Variants in IMMP2L observed in about 807,000 individuals in gnomAD.
The protein encoded by IMMP2L is inner mitochondrial membrane peptidase subunit 2.
Under a neutral mutation model 19.3 loss-of-function variants are expected in IMMP2L, and 18 were observed. That is an observed-to-expected ratio of 0.93 (90% CI 0.64 to 1.38). IMMP2L has a LOEUF of 1.38. Ranked by LOEUF, IMMP2L falls within the 40% of genes most tolerant of loss-of-function variation. IMMP2L has a pLI of 0.00. For missense variants in IMMP2L, 233 were observed against 218.2 expected (o/e 1.07, Z -0.43); for synonymous variants, 76 against 73.0 (o/e 1.04, Z -0.21).
rs1404993405 is a variant in IMMP2L, at chr7:110,985,416, G to C, written c.240-21851C>G. ...GAATCTATATTACAACAAATCATGA[G>C]GATTATTGCTATGAAATTTAAGAAA... On this transcript the variant is annotated intron_variant, in intron 3 of 5. Transcript: ENST00000405709. Among the ~76,000 whole-genome samples, 4 of 152,042 alleles carry C rather than the reference G, an allele frequency of 2.6e-5. No homozygotes were observed. The East Asian group carries it at 7.7e-4, about 29-fold the overall frequency.
At chr7:111,529,962 C>T (rs779550139) in intron 1 of IMMP2L, among the ~76,000 whole-genome samples, 16 of 152,292 alleles carry the variant, frequency 1.1e-4, no homozygotes, top group Middle Eastern at 3.4e-3. Flanking sequence ...AGGACTCCTT[C>T]AACTTGCAAA....
intron 3 of IMMP2L, among the ~76,000 whole-genome samples, chr7:111,142,913 C>G (rs1043985148): frequency 6.6e-6 from 1 of 152,072 alleles, no homozygotes; most frequent in Non-Finnish European, 1.5e-5. Context: ...ATATCTTTTA[C>G]GTTACAGACA....
At chr7:110,843,907 C>T (rs115152218) in intron 5 of IMMP2L, among the ~76,000 whole-genome samples, 1,907 of 152,120 alleles carry the variant, frequency 0.013, 43 homozygotes, top group African/African-American at 0.044. Context: ...TAAGGCAGGG[C>T]ACATGAGTGA....
At chr7:110,755,996 A>G (rs1452989809) in intron 5 of IMMP2L, among the ~76,000 whole-genome samples, 1 of 152,080 alleles carries the variant, frequency 6.6e-6, no homozygotes, top group African/African-American at 2.4e-5. Flanking sequence ...ACTTTATGCA[A>G]AAAAGATGTG....
intron 5 of IMMP2L, among the ~76,000 whole-genome samples, chr7:110,837,719 A>G (rs1242993667): frequency 6.6e-6 from 1 of 152,150 alleles, no homozygotes; most frequent in Non-Finnish European, 1.5e-5. Context: ...TTTTTAGTTC[A>G]TGAAAATTTG....
At chr7:111,150,117 G>A (rs1056579226) in intron 3 of IMMP2L, among the ~76,000 whole-genome samples, 2 of 152,074 alleles carry the variant, frequency 1.3e-5, no homozygotes, top group Admixed American at 6.6e-5. Context: ...TCTCAACCAT[G>A]ACATGAAAAC....
intron 3 of IMMP2L, among the ~76,000 whole-genome samples, chr7:110,996,553 C>G (rs1041049525): frequency 6.6e-6 from 1 of 152,044 alleles, no homozygotes; most frequent in African/African-American, 2.4e-5. Flanking sequence ...GTAGACCCTG[C>G]CTTGTGATCA....
chr7:110,723,740 A>T (rs1795719035), intron 5 of IMMP2L, among the ~76,000 whole-genome samples: 1 of 152,152 alleles, frequency 6.6e-6, no homozygotes, highest in Non-Finnish European at 1.5e-5. Context: ...AGCCAAATGA[A>T]TTAGAAAACA....
chr7:111,305,963 A>G (rs1024465229), intron 3 of IMMP2L, among the ~76,000 whole-genome samples: 1 of 152,180 alleles, frequency 6.6e-6, no homozygotes, highest in Non-Finnish European at 1.5e-5. Context: ...GATACCTTCT[A>G]GAAACTATCA....
At chr7:110,766,717 T>A (rs967100743) in intron 5 of IMMP2L, among the ~76,000 whole-genome samples, 1 of 152,112 alleles carries the variant, frequency 6.6e-6, no homozygotes, top group African/African-American at 2.4e-5. Context: ...GTTTCCTTTA[T>A]GAAAACTGAG....
intron 3 of IMMP2L, among the ~76,000 whole-genome samples, chr7:111,215,507 A>G (rs535677122): frequency 9.2e-5 from 14 of 152,282 alleles, no homozygotes; most frequent in Admixed American, 5.9e-4. Context: ...TTTACTACAC[A>G]TAACAGGCAA....
intron 3 of IMMP2L, among the ~76,000 whole-genome samples, chr7:111,048,541 C>T (rs1031512106): frequency 6.6e-6 from 1 of 152,124 alleles, no homozygotes; most frequent in African/African-American, 2.4e-5. Context: ...TAGTACTTAA[C>T]ATACTAACAC....
intron 3 of IMMP2L, among the ~76,000 whole-genome samples, chr7:111,410,416 A>G (rs1834297994): frequency 6.6e-6 from 1 of 151,840 alleles, no homozygotes; most frequent in Non-Finnish European, 1.5e-5. Context: ...AAATGTAATT[A>G]GTACTACATT....
chr7:110,744,733 C>A (rs771470101), intron 5 of IMMP2L, among the ~76,000 whole-genome samples: 3 of 152,122 alleles, frequency 2.0e-5, no homozygotes, highest in South Asian at 2.1e-4. Flanking sequence ...CACTCAGAGA[C>A]CCCATCTGAA....
intron 3 of IMMP2L, among the ~76,000 whole-genome samples, chr7:111,016,810 TATATATTATATATAA>T (rs1825676929): frequency 2.0e-5 from 1 of 49,902 alleles, no homozygotes; most frequent in Non-Finnish European, 4.0e-5. Context: ...TAATATATAC[TATATATTATATATAA>T]TATATAGTAT....
chr7:110,804,185 A>G (rs1801454770), intron 5 of IMMP2L, among the ~76,000 whole-genome samples: 1 of 151,968 alleles, frequency 6.6e-6, no homozygotes, highest in South Asian at 2.1e-4. Flanking sequence ...GGTGGTAAAC[A>G]CTGTGTTTCT....
chr7:111,437,320 C>G (rs968414599), intron 3 of IMMP2L, among the ~76,000 whole-genome samples: 1 of 151,716 alleles, frequency 6.6e-6, no homozygotes, highest in Admixed American at 6.6e-5. Context: ...TGCCACATGC[C>G]TGTAATCCCA....
chr7:110,957,533 T>C (rs1818478738), intron 4 of IMMP2L, among the ~76,000 whole-genome samples: 2 of 151,912 alleles, frequency 1.3e-5, no homozygotes, highest in South Asian at 4.1e-4. Context: ...AATCAGATCA[T>C]ACTACTCCAT....
At chr7:110,691,430 C>T (rs1449204177) in intron 5 of IMMP2L, among the ~76,000 whole-genome samples, 2 of 151,774 alleles carry the variant, frequency 1.3e-5, no homozygotes, top group African/African-American at 4.8e-5. Context: ...GACTAAGACA[C>T]CTAAAGGAGA....
Sources: gnomAD v4.1 joint callset for allele counts (sites outside exome capture counted in the v4.1 genomes callset) on GRCh38, gnomAD v4.1.1 for gene constraint, MANE v1.5 for transcripts, NCBI Gene and HGNC (gene_info 2026-07-23, HGNC 2026-07-21) for gene names.